Variants in POU2F1 observed in about 807,000 individuals in gnomAD.
POU2F1 encodes the protein POU class 2 homeobox 1.
A neutral mutation model predicts 84.9 loss-of-function variants in POU2F1; 16 were observed. The observed-to-expected ratio is 0.19, with a 90% CI of 0.13 to 0.29. The LOEUF (loss-of-function observed/expected upper bound fraction) is 0.29. Among genes scored for constraint, POU2F1 ranks in the 10% least tolerant of loss-of-function variants. POU2F1 has a pLI of 1.00. For missense variants in POU2F1, 738 were observed against 942.6 expected (o/e 0.78, Z 2.84); for synonymous variants, 368 against 368.3 (o/e 1.00, Z 0.01).
At chr1:167,226,317 T>C (rs1396467514) in intron 1 of POU2F1, among the ~76,000 whole-genome samples, 1 of 152,212 alleles carries the variant, frequency 6.6e-6, no homozygotes, top group Non-Finnish European at 1.5e-5. Flanking sequence ...ACTGTGTTGC[T>C]TAAAGGATGT....
At chr1:167,334,079 C>T (rs1336737903) in intron 2 of POU2F1, among the ~76,000 whole-genome samples, 1 of 151,122 alleles carries the variant, frequency 6.6e-6, no homozygotes, top group Non-Finnish European at 1.5e-5. Context: ...ACATGGAAAT[C>T]CCTGTATCTA....
chr1:167,263,999 G>A (rs1394291441), intron 1 of POU2F1, among the ~76,000 whole-genome samples: 2 of 152,154 alleles, frequency 1.3e-5, no homozygotes, highest in Admixed American at 6.5e-5. Context: ...GGTTATGATG[G>A]TAAGTGAAAC....
chr1:167,413,162 AGTGTGTGTGTGTGT>A (rs59744507), intron 15 of POU2F1, 48 bp downstream of exon 15: 6 of 1,031,238 alleles, frequency 5.8e-6, no homozygotes, highest in African/African-American at 3.2e-5. Flanking sequence ...CGTGTGTGTG[AGTGTGTGTGTGTGT>A]GTGTGTGTGT....
intron 1 of POU2F1, among the ~76,000 whole-genome samples, chr1:167,237,489 C>T (rs1649553284): frequency 1.3e-5 from 2 of 151,750 alleles, no homozygotes; most frequent in Non-Finnish European, 2.9e-5. Context: ...TTTTCATCTG[C>T]CGGTATGTTA....
chr1:167,335,167 TG>T (rs1371128489), intron 2 of POU2F1, among the ~76,000 whole-genome samples: 1 of 152,216 alleles, frequency 6.6e-6, no homozygotes, highest in Non-Finnish European at 1.5e-5. Context: ...GCCCGTTCTA[TG>T]TGTAAAGTAC....
At chr1:167,273,921 T>C (rs962228727) in intron 1 of POU2F1, among the ~76,000 whole-genome samples, 1 of 152,236 alleles carries the variant, frequency 6.6e-6, no homozygotes, top group African/African-American at 2.4e-5. Flanking sequence ...TAAATGTGTT[T>C]TATTTTCTTC....
intron 6 of POU2F1, among the ~76,000 whole-genome samples, chr1:167,375,751 G>A (rs536907696): frequency 6.6e-6 from 1 of 152,106 alleles, no homozygotes; most frequent in Non-Finnish European, 1.5e-5. Flanking sequence ...AAAAACAGAA[G>A]TATATTTGTT....
chr1:167,377,325 G>A (rs528237065), intron 7 of POU2F1, among the ~76,000 whole-genome samples: 65 of 152,226 alleles, frequency 4.3e-4, no homozygotes, highest in Non-Finnish European at 8.5e-4. Context: ...GGTGGCTGAC[G>A]CCTGTAATCC....
rs1323535176 is a variant in POU2F1, at chr1:167,279,317, C to T, written c.62-53153C>T. ...CCTGTGATGCAGACAAGAGCTGTTA[C>T]AAGTTATCAAAAGTAAGTTTATGAA... On this transcript the variant is annotated intron_variant, in intron 1 of 15. Transcript: ENST00000367866. Among the ~76,000 whole-genome samples, 4 of 152,290 alleles carry T rather than the reference C, an allele frequency of 2.6e-5. No individual in the cohort carries two copies. In the East Asian group the frequency reaches 7.7e-4, roughly 29 times the overall value.
At chr1:167,297,761 T>A (rs529766480) in intron 1 of POU2F1, among the ~76,000 whole-genome samples, 1 of 152,212 alleles carries the variant, frequency 6.6e-6, no homozygotes, top group East Asian at 1.9e-4. Flanking sequence ...GAAGCAACAA[T>A]TTTGAATCAG....
intron 2 of POU2F1, among the ~76,000 whole-genome samples, chr1:167,362,205 T>C (rs977944706): frequency 6.6e-6 from 1 of 152,244 alleles, no homozygotes; most frequent in African/African-American, 2.4e-5. Context: ...CACCTCCCAG[T>C]GGAGCCTCAG....
intron 1 of POU2F1, among the ~76,000 whole-genome samples, chr1:167,269,630 G>A (rs575429965): frequency 2.0e-5 from 3 of 152,234 alleles, no homozygotes; most frequent in South Asian, 2.1e-4. Context: ...AGCAAGAGTT[G>A]GGTTGGGCGC....
chr1:167,332,559 T>C (rs368596735), intron 2 of POU2F1, 24 bp downstream of exon 2: 108 of 1,549,560 alleles, frequency 7.0e-5, no homozygotes, highest in Non-Finnish European at 9.4e-5. Context: ...GATCTAGCTT[T>C]TTAATTAACT....
At chr1:167,397,973 G>A (rs1254584508) in intron 10 of POU2F1, 21 bp from the exon 11 acceptor site, 1 of 1,598,392 alleles carries the variant, frequency 6.3e-7, no homozygotes, top group Non-Finnish European at 8.5e-7. Context: ...TTTTATTTCT[G>A]TATTTTCTTC....
chr1:167,336,039 T>C (rs1387427046), intron 2 of POU2F1, among the ~76,000 whole-genome samples: 1 of 152,214 alleles, frequency 6.6e-6, no homozygotes, highest in African/African-American at 2.4e-5. Context: ...TTAAAAGATA[T>C]GTAATGAATG....
At chr1:167,388,380 C>G (rs1032011030) in intron 8 of POU2F1, among the ~76,000 whole-genome samples, 1 of 152,088 alleles carries the variant, frequency 6.6e-6, no homozygotes, top group African/African-American at 2.4e-5. Flanking sequence ...TGATATGTAT[C>G]AAAAACCATG....
At chr1:167,251,169 C>T (rs1201892019) in intron 1 of POU2F1, among the ~76,000 whole-genome samples, 1 of 152,092 alleles carries the variant, frequency 6.6e-6, no homozygotes, top group Non-Finnish European at 1.5e-5. Context: ...GAGACAGAAG[C>T]AGGTGAATCA....
At chr1:167,223,009 T>G (rs1283346131) in intron 1 of POU2F1, among the ~76,000 whole-genome samples, 2 of 152,194 alleles carry the variant, frequency 1.3e-5, no homozygotes, top group East Asian at 3.8e-4. Flanking sequence ...GAAATTCCAA[T>G]TAACAACAGT....
At chr1:167,363,371 A>G (rs1659469211) in intron 2 of POU2F1, among the ~76,000 whole-genome samples, 1 of 152,170 alleles carries the variant, frequency 6.6e-6, no homozygotes, top group African/African-American at 2.4e-5. Context: ...CTAATGGTGA[A>G]CAGTCTCTTT....
Sources: allele counts gnomAD v4.1 joint callset (sites outside exome capture counted in the v4.1 genomes callset), GRCh38; gene constraint gnomAD v4.1.1; transcripts MANE v1.5; gene names NCBI Gene and HGNC (gene_info 2026-07-23, HGNC 2026-07-21).